DIAPH2: variants seen among roughly 807,000 people sequenced by gnomAD.
DIAPH2 encodes diaphanous related formin 2.
DIAPH2 carries 35 observed loss-of-function variants against 92.7 expected under a neutral mutation model. The ratio of observed to expected loss-of-function variants is 0.38; its 90% confidence interval spans 0.29 to 0.50. The LOEUF (loss-of-function observed/expected upper bound fraction) is 0.50, where lower values mean the gene tolerates loss of function less well. Ranked by LOEUF, DIAPH2 falls within the 20% of genes least tolerant of loss-of-function variation. The probability of loss-of-function intolerance (pLI) is 0.94; values close to 1 mark genes in which losing one functional copy is unlikely to be tolerated. For missense variants in DIAPH2, 701 were observed against 819.5 expected (o/e 0.86, Z 1.77); for synonymous variants, 301 against 280.4 (o/e 1.07, Z -0.73).
At chrX:97,282,678 T>G (rs1341993638) in intron 23 of DIAPH2, among the ~76,000 whole-genome samples, 1 of 111,936 alleles carries the variant, frequency 8.9e-6, no homozygotes, top group Non-Finnish European at 1.9e-5. Flanking sequence ...ATTGTCATCT[T>G]TAATCCTTTC....
intron 17 of DIAPH2, among the ~76,000 whole-genome samples, chrX:97,007,608 T>C (rs1030609323): frequency 9.1e-6 from 1 of 110,360 alleles, no homozygotes; most frequent in Non-Finnish European, 1.9e-5. Flanking sequence ...TCTGTTACTT[T>C]TGGGAATTTG....
At chrX:97,089,929 C>T (rs947704304) in intron 19 of DIAPH2, among the ~76,000 whole-genome samples, 9 of 110,844 alleles carry the variant, frequency 8.1e-5, no homozygotes, top group African/African-American at 2.3e-4. Context: ...GGAGTTTCAC[C>T]GTGTTCGGCA....
intron 1 of DIAPH2, among the ~76,000 whole-genome samples, chrX:96,712,693 G>A (rs911922770): frequency 9.0e-6 from 1 of 111,529 alleles, no homozygotes. Flanking sequence ...CTCGTCTAAA[G>A]TAAACCTTCT....
intron 24 of DIAPH2, among the ~76,000 whole-genome samples, chrX:97,376,924 C>G (rs182451082): frequency 6.3e-5 from 7 of 111,953 alleles, no homozygotes; most frequent in Middle Eastern, 4.7e-3. Context: ...ATCTAAACAT[C>G]TAAACAGAAG....
chrX:96,888,809 G>A (rs1313110413), intron 5 of DIAPH2, among the ~76,000 whole-genome samples: 4 of 108,578 alleles, frequency 3.7e-5, no homozygotes, highest in Non-Finnish European at 7.6e-5. Context: ...GGCTCAGAGA[G>A]GTTAAGTAAT....
intron 17 of DIAPH2, among the ~76,000 whole-genome samples, chrX:97,059,643 G>A (rs2066583366): frequency 8.9e-6 from 1 of 112,367 alleles, no homozygotes; most frequent in Admixed American, 9.4e-5. Flanking sequence ...GTTACATACT[G>A]TATTCTTACA....
At chrX:97,276,820 G>C (rs370687681) in intron 23 of DIAPH2, among the ~76,000 whole-genome samples, 3 of 111,746 alleles carry the variant, frequency 2.7e-5, no homozygotes, top group East Asian at 5.6e-4. Flanking sequence ...TATGAGAATT[G>C]TACCTGATAT....
At chrX:96,703,250 C>T (rs1358874419) in intron 1 of DIAPH2, among the ~76,000 whole-genome samples, 1 of 111,587 alleles carries the variant, frequency 9.0e-6, no homozygotes, top group Non-Finnish European at 1.9e-5. Context: ...TTGATGTGAT[C>T]AGAGCTTACA....
At chrX:97,193,739 A>G (rs1167291332) in intron 22 of DIAPH2, among the ~76,000 whole-genome samples, 2 of 112,183 alleles carry the variant, frequency 1.8e-5, no homozygotes. Flanking sequence ...GCTCTTTAGC[A>G]GGATTTTAGC....
chrX:97,242,736 G>A (rs929606465), intron 22 of DIAPH2, among the ~76,000 whole-genome samples: 9 of 110,194 alleles, frequency 8.2e-5, no homozygotes, highest in East Asian at 5.7e-4. Context: ...TTTTGGGTCC[G>A]GGTGCAGAAT....
intron 3 of DIAPH2, among the ~76,000 whole-genome samples, chrX:96,755,592 G>A (rs2064222413): frequency 9.0e-6 from 1 of 110,825 alleles, no homozygotes; most frequent in Non-Finnish European, 1.9e-5. Flanking sequence ...GGTGGAGCTT[G>A]CAGTGAGCCG....
intron 3 of DIAPH2, among the ~76,000 whole-genome samples, chrX:96,747,682 C>G (rs2064159229): frequency 8.9e-6 from 1 of 111,827 alleles, no homozygotes; most frequent in African/African-American, 3.2e-5. Flanking sequence ...TACATTAACC[C>G]AAGCATCCTT....
At chrX:97,073,771 T>C in intron 18 of DIAPH2, among the ~76,000 whole-genome samples, 1 of 112,236 alleles carries the variant, frequency 8.9e-6, no homozygotes, top group African/African-American at 3.2e-5. Flanking sequence ...TTAAGGAATG[T>C]GGTATAGGGA....
intron 4 of DIAPH2, among the ~76,000 whole-genome samples, chrX:96,816,635 T>G (rs771902908): frequency 4.5e-5 from 5 of 111,987 alleles, no homozygotes; most frequent in African/African-American, 6.5e-5. Flanking sequence ...GGAATGTAAA[T>G]CAATACAACC....
intron 22 of DIAPH2, among the ~76,000 whole-genome samples, chrX:97,185,913 T>C (rs1030169361): frequency 1.8e-5 from 2 of 110,838 alleles, no homozygotes; most frequent in African/African-American, 6.5e-5. Flanking sequence ...TCCTAAATTA[T>C]TGATGACAGT....
intron 23 of DIAPH2, among the ~76,000 whole-genome samples, chrX:97,323,593 G>GAAAAA (rs1199744995): frequency 4.3e-5 from 1 of 23,258 alleles, no homozygotes; most frequent in East Asian, 1.8e-3. Context: ...TCCGTCTCAA[G>GAAAAA]AAAAAAAAAA....
chrX:96,791,843 G>A (rs2064504501), intron 4 of DIAPH2, among the ~76,000 whole-genome samples: 1 of 110,191 alleles, frequency 9.1e-6, no homozygotes, highest in African/African-American at 3.3e-5. Flanking sequence ...GTAATCCTTT[G>A]GGGAGATCAT....
intron 3 of DIAPH2, among the ~76,000 whole-genome samples, chrX:96,751,443 G>A (rs1411912498): frequency 9.7e-6 from 1 of 103,260 alleles, no homozygotes; most frequent in Non-Finnish European, 2.0e-5. Context: ...GAGCGTGGTG[G>A]TGGGCGCCTG....
intron 19 of DIAPH2, among the ~76,000 whole-genome samples, chrX:97,081,315 TCA>T (rs1400382118): frequency 9.0e-6 from 1 of 111,459 alleles, no homozygotes; most frequent in Non-Finnish European, 1.9e-5. Flanking sequence ...TTTGCTACTT[TCA>T]GTCTATTATT....
Sources: allele counts gnomAD v4.1 joint callset (sites outside exome capture counted in the v4.1 genomes callset), GRCh38; gene constraint gnomAD v4.1.1; transcripts MANE v1.5; gene names NCBI Gene and HGNC (gene_info 2026-07-23, HGNC 2026-07-21).